Variants in ERCC8 observed in about 807,000 individuals in gnomAD.
The protein encoded by ERCC8 is DNA excision repair protein ERCC-8.
ERCC8 carries 52 observed loss-of-function variants against 54.9 expected under a neutral mutation model. The ratio of observed to expected loss-of-function variants is 0.95; its 90% CI spans 0.76 to 1.19. ERCC8 has a LOEUF of 1.19. Ranked by LOEUF, ERCC8 falls within the 50% of genes most tolerant of loss-of-function variation. ERCC8 has a pLI of 0.00. For missense variants in ERCC8, 514 were observed against 466.1 expected, an observed-to-expected ratio of 1.10 and a Z score of -0.95; for synonymous variants, 146 against 157.2, an observed-to-expected ratio of 0.93 and a Z score of 0.53.
At chr5:60,914,040 T>C (rs1240064111) in intron 4 of ERCC8, among the ~76,000 whole-genome samples, 2 of 152,142 alleles carry the variant, frequency 1.3e-5, no homozygotes, top group Non-Finnish European at 2.9e-5. Context: ...ATAAGTGCAA[T>C]GTGGTGCTGG....
intron 4 of ERCC8, among the ~76,000 whole-genome samples, chr5:60,910,582 G>C (rs975464228): frequency 6.6e-6 from 1 of 151,950 alleles, no homozygotes; most frequent in Non-Finnish European, 1.5e-5. Flanking sequence ...CTGTGTATTC[G>C]GAATAGTCTT....
chr5:60,874,704 G>C lies in ERCC8; in HGVS notation c.1123-21C>G, dbSNP rs770132141. 13 of 1,569,558 alleles carry C rather than the reference G, an allele frequency of 8.3e-6. No homozygotes were observed. In the South Asian group the frequency reaches 1.4e-4, roughly 17 times the overall value. On this transcript the variant is annotated intron_variant, in intron 11 of 11. Coordinates refer to ENST00000676185, the MANE Select transcript of ERCC8 (RefSeq NM_000082.4). Reference sequence around the variant, plus strand: ...GTAGTCTAAAAAAAAAAAAGATAAAGAAAAAGGAAGATTCTGTTTTTTCTA... The same window carrying C: ...GTAGTCTAAAAAAAAAAAAGATAAACAAAAAGGAAGATTCTGTTTTTTCTA...
intron 11 of ERCC8, among the ~76,000 whole-genome samples, chr5:60,883,726 G>T (rs1461221658): frequency 6.6e-6 from 1 of 152,148 alleles, no homozygotes; most frequent in Non-Finnish European, 1.5e-5. Context: ...GATTCTTAGT[G>T]AGAGGTCAGG....
chr5:60,930,918 C>G (rs930459071), intron 1 of ERCC8, among the ~76,000 whole-genome samples: 1 of 152,004 alleles, frequency 6.6e-6, no homozygotes, highest in Admixed American at 6.6e-5. Context: ...ATCAGCCTGG[C>G]CAACATGGTG....
At chr5:60,893,662 A>C in intron 9 of ERCC8, 2 of 544,296 alleles carry the variant, frequency 3.7e-6, no homozygotes, top group South Asian at 2.2e-5. Flanking sequence ...AGAGAGTAAC[A>C]GACGCTCTTG....
intron 6 of ERCC8, chr5:60,903,324 A>T: frequency 4.5e-6 from 1 of 222,208 alleles, no homozygotes; most frequent in East Asian, 1.2e-4. Context: ...ATTAGCCAGA[A>T]TATTAAATAA....
At chr5:60,941,130 A>G (rs1750245306) in intron 1 of ERCC8, among the ~76,000 whole-genome samples, 1 of 152,222 alleles carries the variant, frequency 6.6e-6, no homozygotes, top group Non-Finnish European at 1.5e-5. Context: ...AGCCTGGGCA[A>G]AACAGTGAGG....
intron 4 of ERCC8, chr5:60,907,331 T>C (rs1749104683): frequency 6.6e-6 from 1 of 151,002 alleles, no homozygotes; most frequent in Non-Finnish European, 1.5e-5. Context: ...CCTTCTTCAC[T>C]CCTGTTATCA....
chr5:60,943,602 A>G (rs1308413062), intron 1 of ERCC8, among the ~76,000 whole-genome samples: 1 of 152,214 alleles, frequency 6.6e-6, no homozygotes, highest in East Asian at 1.9e-4. Context: ...ATGGAATTTT[A>G]CAGATTAAAA....
intron 4 of ERCC8, among the ~76,000 whole-genome samples, chr5:60,916,811 C>T (rs1454165577): frequency 6.6e-6 from 1 of 151,866 alleles, no homozygotes; most frequent in Non-Finnish European, 1.5e-5. Flanking sequence ...TAGTATGTGG[C>T]CAGTTACATA....
In ERCC8 at chr5:60,918,386, T is replaced by A. The variant is rs768474789; in HGVS notation, c.278A>T (p.Asp93Val). The change falls in exon 4 of 12, where the codon GAT becomes GTT. Residue 93 changes from aspartate (D) to valine (V), a missense_variant and splice_region_variant. Asp to Val is a radical substitution (Grantham distance 152). Coordinates refer to ENST00000676185, the MANE Select transcript of ERCC8 (RefSeq NM_000082.4). ...TCKAVCSIGRDHPDVHRYSVE... is the reference protein window; with the variant it reads ...TCKAVCSIGRVHPDVHRYSVE... The stretch of plus-strand genomic sequence containing the variant: ...ACTGTATCTGTGAACATCAGGATGA[T>A]CTCTACAAAACAGCAATCAAAATTT... 1.2e-6 allele frequency: 2 copies of A among 1,610,158 alleles called. No homozygotes were observed. Among genetic ancestry groups the A allele is most frequent in the Non-Finnish European group, 1.7e-6 (2 of 1,177,670 alleles).
At chr5:60,898,509 A>T in intron 8 of ERCC8, 109 bp from the exon 9 acceptor site, 1 of 1,227,666 alleles carries the variant, frequency 8.1e-7, no homozygotes, top group Non-Finnish European at 1.2e-6. Context: ...GTTACTTAAA[A>T]AATGTAAGTA....
intron 3 of ERCC8, among the ~76,000 whole-genome samples, chr5:60,919,908 C>T (rs1463277587): frequency 6.6e-6 from 1 of 151,926 alleles, no homozygotes; most frequent in Non-Finnish European, 1.5e-5. Context: ...GCTGGACAGC[C>T]AAATGGGTGG....
intron 4 of ERCC8, among the ~76,000 whole-genome samples, chr5:60,913,974 G>A (rs973429735): frequency 6.6e-6 from 1 of 152,078 alleles, no homozygotes; most frequent in African/African-American, 2.4e-5. Flanking sequence ...TGTGATTTGT[G>A]TTCTTTTACA....
chr5:60,917,448 T>C (rs1169119953), intron 4 of ERCC8: 1 of 152,018 alleles, frequency 6.6e-6, no homozygotes, highest in African/African-American at 2.4e-5. Flanking sequence ...CCTAGAGGGT[T>C]TGGGTAGTGA....
chr5:60,898,750 T>G (rs1748789584), intron 8 of ERCC8, among the ~76,000 whole-genome samples: 2 of 150,836 alleles, frequency 1.3e-5, no homozygotes, highest in African/African-American at 4.9e-5. Context: ...AACCTAAAAA[T>G]CATTCTATGG....
intron 4 of ERCC8, among the ~76,000 whole-genome samples, chr5:60,909,278 A>G (rs13188864): frequency 2.6e-4 from 31 of 120,760 alleles, no homozygotes; most frequent in Non-Finnish European, 4.3e-4. Context: ...AAAAAAAAAA[A>G]GCCACAAAGG....
intron 1 of ERCC8, among the ~76,000 whole-genome samples, chr5:60,941,526 G>C (rs1370812145): frequency 2.6e-5 from 4 of 152,050 alleles, no homozygotes; most frequent in African/African-American, 9.7e-5. Context: ...AAAATGGCTG[G>C]AAAGTTCCCA....
chr5:60,905,001 T>C (rs1580007465), intron 4 of ERCC8, 128 bp from the exon 5 acceptor site: 6 of 522,054 alleles, frequency 1.1e-5, no homozygotes, highest in Admixed American at 2.9e-5. Flanking sequence ...AACTTAAACA[T>C]AGGAATGTAA....
Sources: allele counts gnomAD v4.1 joint callset (sites outside exome capture counted in the v4.1 genomes callset), GRCh38; gene constraint gnomAD v4.1.1; transcripts MANE v1.5; gene names NCBI Gene and HGNC (gene_info 2026-07-23, HGNC 2026-07-21).